The following ATG3 variants were observed in gnomAD, a reference collection of about 807,000 sequenced individuals.
ATG3 encodes the protein autophagy related 3.
ATG3 carries 25 observed loss-of-function variants against 50.7 expected under a neutral mutation model. The ratio of observed to expected loss-of-function variants is 0.49; its 90% CI spans 0.36 to 0.69. ATG3 has a LOEUF of 0.69. Ranked by LOEUF, ATG3 falls within the 30% of genes least tolerant of loss-of-function variation. The probability of loss-of-function intolerance (pLI) is 0.00; values close to 1 mark genes in which losing one functional copy is unlikely to be tolerated. For synonymous variants in ATG3, 119 were observed against 125.5 expected, an observed-to-expected ratio of 0.95 and a Z score of 0.34; for missense variants, 281 against 376.0, an observed-to-expected ratio of 0.75 and a Z score of 2.09.
At chr3:112,542,355 C>T (rs1368181755) in intron 6 of ATG3, among the ~76,000 whole-genome samples, 1 of 152,060 alleles carries the variant, frequency 6.6e-6, no homozygotes, top group Non-Finnish European at 1.5e-5. Flanking sequence ...TCAGACTTTA[C>T]AGTTATTAAA....
At chr3:112,552,796 G>A (rs1933563519) in intron 3 of ATG3, among the ~76,000 whole-genome samples, 1 of 151,678 alleles carries the variant, frequency 6.6e-6, no homozygotes. Flanking sequence ...GACCACAGAC[G>A]CCTGCCACCA....
At chr3:112,546,240 G>A (rs1245367657) in intron 5 of ATG3, among the ~76,000 whole-genome samples, 1 of 152,156 alleles carries the variant, frequency 6.6e-6, no homozygotes, top group Non-Finnish European at 1.5e-5. Flanking sequence ...TATCTGTGGG[G>A]AATACATTCC....
At chr3:112,555,821 T>A (rs572111591) in intron 2 of ATG3, among the ~76,000 whole-genome samples, 1 of 152,342 alleles carries the variant, frequency 6.6e-6, no homozygotes, top group Non-Finnish European at 1.5e-5. Context: ...GGCCTTGGAT[T>A]TTTTTAGAGA....
intron 4 of ATG3, 70 bp from the exon 5 acceptor site, chr3:112,548,710 A>G: frequency 7.5e-7 from 1 of 1,340,284 alleles, no homozygotes; most frequent in Non-Finnish European, 1.1e-6. Flanking sequence ...TAGAAAGAAG[A>G]GAGCTTAGTC....
intron 11 of ATG3, 79 bp from the exon 12 acceptor site, chr3:112,532,859 T>C: frequency 7.2e-7 from 1 of 1,384,080 alleles, no homozygotes; most frequent in Non-Finnish European, 9.4e-7. Flanking sequence ...ATCCATTTTA[T>C]TAAGCCATTA....
At chr3:112,550,685 A>G (rs1215758686) in intron 3 of ATG3, among the ~76,000 whole-genome samples, 2 of 152,236 alleles carry the variant, frequency 1.3e-5, no homozygotes, top group Non-Finnish European at 1.5e-5. Flanking sequence ...AAAAAGCTGC[A>G]TGACATTATG....
chr3:112,534,776 T>TAAAAAAAAA (rs10718853), intron 10 of ATG3: 1 of 140,282 alleles, frequency 7.1e-6, no homozygotes. Flanking sequence ...TCAGGCAAAT[T>TAAAAAAAAA]AAAAAAAAAA....
chr3:112,552,510 A>C (rs1173747440), intron 3 of ATG3, among the ~76,000 whole-genome samples: 1 of 152,024 alleles, frequency 6.6e-6, no homozygotes, highest in South Asian at 2.1e-4. Flanking sequence ...CTAAAGATGG[A>C]GCATACTTTT....
At chr3:112,548,469 A>T in intron 5 of ATG3, 64 bp downstream of exon 5, 1 of 1,308,884 alleles carries the variant, frequency 7.6e-7, no homozygotes, top group Non-Finnish European at 1.1e-6. Context: ...AATCAAGGCT[A>T]TTATAAAAGA....
At chr3:112,550,692 T>A (rs1270814832) in intron 3 of ATG3, among the ~76,000 whole-genome samples, 21 of 152,180 alleles carry the variant, frequency 1.4e-4, no homozygotes. Flanking sequence ...TGCATGACAT[T>A]ATGTAACACT....
In ATG3 at chr3:112,532,684, T is replaced by G; in HGVS notation, c.*15A>C. ...ATCAGAACCAATAATTAGGATAGAT[T>G]TTATGCTCTCTTCATTACATTGTGA... On this transcript the variant is annotated 3_prime_UTR_variant, in exon 12 of 12. Transcript: ENST00000283290. 1 of 1,537,780 alleles carries G rather than the reference T, an allele frequency of 6.5e-7. No individual in the cohort carries two copies.
intron 7 of ATG3, among the ~76,000 whole-genome samples, chr3:112,541,482 T>C (rs1336115115): frequency 6.6e-6 from 1 of 152,148 alleles, no homozygotes; most frequent in African/African-American, 2.4e-5. Context: ...AAATGCATAA[T>C]AAGCAAACTT....
At chr3:112,556,196 T>G (rs887585297) in intron 2 of ATG3, among the ~76,000 whole-genome samples, 1 of 152,268 alleles carries the variant, frequency 6.6e-6, no homozygotes, top group Non-Finnish European at 1.5e-5. Context: ...ACAACCGTTA[T>G]TTTATAGATG....
At chr3:112,533,605 A>G in intron 11 of ATG3, 1 of 985,366 alleles carries the variant, frequency 1.0e-6, no homozygotes, top group Non-Finnish European at 1.2e-6. Context: ...TCAAGTATTA[A>G]CCTAGCATCA....
Position 112,561,789 on chromosome 3 carries a change from G to A in ATG3, c.-261C>T, listed in dbSNP as rs918316475. 4.1e-6 allele frequency: 2 copies of A among 482,020 alleles called. No homozygotes were observed. Among genetic ancestry groups the A allele is most frequent in the Non-Finnish European group, 7.3e-6 (2 of 273,426 alleles). The allele number at this position is 482,020 out of a possible 1,614,324, so 29.9% of individuals were successfully genotyped here. On this transcript the variant is annotated 5_prime_UTR_variant, in exon 1 of 12. Transcript: ENST00000283290. ...CCGGACCCAGCTGTCACCCAGCCGC[G>A]AGGGAGGGCAGCGGGGCCGAAGGGA... is the stretch of plus-strand genomic sequence containing the variant.
At chr3:112,536,852 C>G in intron 9 of ATG3, 1 of 195,710 alleles carries the variant, frequency 5.1e-6, no homozygotes, top group South Asian at 9.2e-5. Context: ...ACCCGGGAGG[C>G]AGAGCTTGCA....
intron 7 of ATG3, among the ~76,000 whole-genome samples, chr3:112,540,532 A>AAC: frequency 6.6e-6 from 1 of 152,216 alleles, no homozygotes; most frequent in Non-Finnish European, 1.5e-5. Context: ...TACTGGATGT[A>AAC]ATTTATACTC....
rs1933900793 is a variant in ATG3, at chr3:112,561,805, GC to G, written c.-278del. ...CCCAGCCGCGAGGGAGGGCAGCGGGGCCGAAGGGAGACCTGAGGTGAGAAGC... is the reference window on the plus strand; with the variant it reads ...CCCAGCCGCGAGGGAGGGCAGCGGGGCGAAGGGAGACCTGAGGTGAGAAGC... On this transcript the variant is annotated 5_prime_UTR_variant, in exon 1 of 12. Coordinates refer to ENST00000283290, the MANE Select transcript of ATG3 (RefSeq NM_022488.5). The G allele has an allele frequency of 2.2e-6, 1 of 452,472 alleles. No homozygotes were observed. The highest frequency in any genetic ancestry group is 4.5e-5 in the East Asian group (1 of 22,178). 28.0% of individuals were successfully genotyped at this position (452,472 alleles called of 1,614,324 possible).
At chr3:112,533,408 T>C in intron 11 of ATG3, 5 of 985,238 alleles carry the variant, frequency 5.1e-6, no homozygotes, top group Non-Finnish European at 6.0e-6. Flanking sequence ...ATGTGCCAGT[T>C]AGGCATAATA....
Sources: gnomAD v4.1 joint callset for allele counts (sites outside exome capture counted in the v4.1 genomes callset) on GRCh38, gnomAD v4.1.1 for gene constraint, MANE v1.5 for transcripts, NCBI Gene and HGNC (gene_info 2026-07-23, HGNC 2026-07-21) for gene names.